Variants in REDIC1 observed in about 807,000 individuals in gnomAD.
REDIC1 encodes the protein HEI10 Interacting Protein 1.
the REDIC1 span, chr12:39,647,891 A>G: frequency 6.2e-7 from 1 of 1,607,674 alleles, no homozygotes; most frequent in East Asian, 2.2e-5. Context: ...GTTACCTTCT[A>G]ACAGACATAT....
At chr12:39,708,265 A>C in the REDIC1 span, among the ~76,000 whole-genome samples, 1 of 151,840 alleles carries the variant, frequency 6.6e-6, no homozygotes, top group African/African-American at 2.4e-5. Flanking sequence ...AAAACATCTC[A>C]TGTGCCCCAT....
the REDIC1 span, among the ~76,000 whole-genome samples, chr12:39,891,717 C>A: frequency 6.6e-6 from 1 of 152,086 alleles, no homozygotes; most frequent in Non-Finnish European, 1.5e-5. Flanking sequence ...TATGAACATG[C>A]CTTAGGTTAG....
At chr12:39,694,220 C>T in the REDIC1 span, among the ~76,000 whole-genome samples, 1 of 152,134 alleles carries the variant, frequency 6.6e-6, no homozygotes, top group African/African-American at 2.4e-5. Context: ...ATAGAAGACA[C>T]CCACTGCAAG....
the REDIC1 span, among the ~76,000 whole-genome samples, chr12:39,869,064 A>T: frequency 3.3e-4 from 51 of 152,362 alleles, 1 homozygote; most frequent in South Asian, 0.01. Flanking sequence ...GCTATAGCCA[A>T]TTTAAGAAAT....
the REDIC1 span, among the ~76,000 whole-genome samples, chr12:39,712,513 G>A: frequency 3.6e-5 from 5 of 140,018 alleles, no homozygotes; most frequent in Non-Finnish European, 6.2e-5. Context: ...ACGTATGTAC[G>A]TATATACACG....
the REDIC1 span, among the ~76,000 whole-genome samples, chr12:39,744,222 C>T: frequency 0.052 from 7,979 of 152,156 alleles, 255 homozygotes; most frequent in Middle Eastern, 0.092. Flanking sequence ...AATTCTGTAT[C>T]CTGAGAAATT....
chr12:39,666,825 T>A, the REDIC1 span, among the ~76,000 whole-genome samples: 2 of 152,222 alleles, frequency 1.3e-5, no homozygotes, highest in African/African-American at 4.8e-5. Flanking sequence ...ATTTATCCTT[T>A]TCTTCTAGAT....
chr12:39,628,698 A>C, the REDIC1 span, among the ~76,000 whole-genome samples: 2 of 152,226 alleles, frequency 1.3e-5, no homozygotes, highest in Admixed American at 1.3e-4. Flanking sequence ...AAAGAAAAAT[A>C]CATCTAGTCC....
the REDIC1 span, among the ~76,000 whole-genome samples, chr12:39,666,134 G>C: frequency 2.0e-5 from 3 of 152,280 alleles, no homozygotes; most frequent in Middle Eastern, 3.4e-3. Flanking sequence ...GGGCATCCCT[G>C]TCTTGTGCCA....
the REDIC1 span, chr12:39,764,759 T>G: frequency 6.2e-7 from 1 of 1,612,660 alleles, no homozygotes; most frequent in Non-Finnish European, 8.5e-7. Context: ...AGACAAGATA[T>G]AAAATAAGGC....
the REDIC1 span, among the ~76,000 whole-genome samples, chr12:39,797,321 A>G: frequency 6.6e-6 from 1 of 152,220 alleles, no homozygotes; most frequent in Non-Finnish European, 1.5e-5. Flanking sequence ...TTCAGCATAC[A>G]CTGAACTTAT....
At chr12:39,644,403 AG>A in the REDIC1 span, among the ~76,000 whole-genome samples, 1 of 151,808 alleles carries the variant, frequency 6.6e-6, no homozygotes, top group Non-Finnish European at 1.5e-5. Context: ...TGCAAAATAA[AG>A]TCCATTTTGT....
At chr12:39,654,063 G>A in the REDIC1 span, among the ~76,000 whole-genome samples, 1 of 145,842 alleles carries the variant, frequency 6.9e-6, no homozygotes, top group Non-Finnish European at 1.5e-5. Flanking sequence ...AAATTATGAT[G>A]TTGTTTTTTT....
At chr12:39,717,748 G>A in the REDIC1 span, among the ~76,000 whole-genome samples, 25 of 152,114 alleles carry the variant, frequency 1.6e-4, 1 homozygote, top group Middle Eastern at 6.8e-3. Flanking sequence ...GGTCTATGTC[G>A]TAAAGAAATC....
chr12:39,841,495 A>G, the REDIC1 span, among the ~76,000 whole-genome samples: 1 of 152,126 alleles, frequency 6.6e-6, no homozygotes, highest in South Asian at 2.1e-4. Flanking sequence ...TTTGATCAAC[A>G]TAGTTAAAAA....
At chr12:39,671,645 T>G in the REDIC1 span, among the ~76,000 whole-genome samples, 2 of 152,058 alleles carry the variant, frequency 1.3e-5, no homozygotes, top group African/African-American at 4.8e-5. Context: ...GGTTTCCAGG[T>G]GGCATTTGTT....
the REDIC1 span, among the ~76,000 whole-genome samples, chr12:39,704,557 C>T: frequency 6.6e-6 from 1 of 152,086 alleles, no homozygotes; most frequent in Non-Finnish European, 1.5e-5. Flanking sequence ...TTTGACCCAG[C>T]CATCCCATTA....
At chr12:39,856,276 T>C in the REDIC1 span, among the ~76,000 whole-genome samples, 1 of 152,150 alleles carries the variant, frequency 6.6e-6, no homozygotes, top group Non-Finnish European at 1.5e-5. Context: ...CATCCATCCA[T>C]CCACCCAAAC....
chr12:39,717,478 C>T, the REDIC1 span, among the ~76,000 whole-genome samples: 1 of 151,782 alleles, frequency 6.6e-6, no homozygotes, highest in African/African-American at 2.4e-5. Context: ...CATCATAATC[C>T]TCATCATCTT....
Sources: gnomAD v4.1 joint callset for allele counts (sites outside exome capture counted in the v4.1 genomes callset) on GRCh38, gnomAD v4.1.1 for gene constraint, MANE v1.5 for transcripts, NCBI Gene and HGNC (gene_info 2026-07-23, HGNC 2026-07-21) for gene names.